FOXP1: variants seen among roughly 807,000 people sequenced by gnomAD.
FOXP1 encodes forkhead box protein P1.
In FOXP1, 15 loss-of-function variants were observed where a neutral mutation model predicts 98.2. That is an observed-to-expected ratio of 0.15 (90% CI 0.10 to 0.24). The LOEUF (loss-of-function observed/expected upper bound fraction) is 0.24, where lower values mean the gene tolerates loss of function less well. FOXP1 is among the 10% of genes least tolerant of loss of function. The pLI, the probability that FOXP1 is intolerant of heterozygous loss-of-function variation, is 1.00. For synonymous variants in FOXP1, 371 were observed against 314.5 expected (o/e 1.18, Z -1.90); for missense variants, 633 against 848.5 (o/e 0.75, Z 3.15).
At chr3:71,523,937 A>G (rs2043174514) in intron 2 of FOXP1, among the ~76,000 whole-genome samples, 1 of 152,212 alleles carries the variant, frequency 6.6e-6, no homozygotes, top group Non-Finnish European at 1.5e-5. Flanking sequence ...TACTTGACTC[A>G]TCACGGAGAT....
intron 12 of FOXP1, among the ~76,000 whole-genome samples, chr3:71,007,329 A>G (rs1222562180): frequency 6.6e-6 from 1 of 152,128 alleles, no homozygotes; most frequent in East Asian, 1.9e-4. Context: ...ACAATTATAG[A>G]CAGCTATTCC....
intron 7 of FOXP1, among the ~76,000 whole-genome samples, chr3:71,099,709 T>C (rs1289211096): frequency 6.6e-6 from 1 of 152,180 alleles, no homozygotes; most frequent in East Asian, 1.9e-4. Flanking sequence ...TTAAAGGTGG[T>C]ACCGGGACTA....
intron 2 of FOXP1, among the ~76,000 whole-genome samples, chr3:71,502,980 G>T (rs369120461): frequency 7.1e-6 from 1 of 141,496 alleles, no homozygotes. Flanking sequence ...TTTACAATTA[G>T]AAAAAAAAAA....
chr3:71,507,738 C>T (rs902880547), intron 2 of FOXP1, among the ~76,000 whole-genome samples: 3 of 152,206 alleles, frequency 2.0e-5, no homozygotes, highest in South Asian at 2.1e-4. Context: ...CCACCATGCC[C>T]GGCTAATTTT....
At chr3:71,471,603 G>T (rs2089354868) in intron 3 of FOXP1, among the ~76,000 whole-genome samples, 2 of 151,916 alleles carry the variant, frequency 1.3e-5, no homozygotes, top group Non-Finnish European at 2.9e-5. Context: ...TTTCAACTCA[G>T]ATGGAACACA....
chr3:71,097,400 A>G (rs1332564522), intron 7 of FOXP1, among the ~76,000 whole-genome samples: 2 of 152,226 alleles, frequency 1.3e-5, no homozygotes, highest in Non-Finnish European at 2.9e-5. Flanking sequence ...CCACAGAGAC[A>G]GTATGGCCCA....
intron 2 of FOXP1, among the ~76,000 whole-genome samples, chr3:71,563,850 C>T (rs1471859518): frequency 1.3e-5 from 2 of 152,226 alleles, no homozygotes; most frequent in Non-Finnish European, 2.9e-5. Context: ...AAAATGAGGG[C>T]TTTCCTCTCT....
intron 5 of FOXP1, among the ~76,000 whole-genome samples, chr3:71,223,531 T>TA (rs2065573001): frequency 6.6e-6 from 1 of 151,858 alleles, no homozygotes; most frequent in Non-Finnish European, 1.5e-5. Flanking sequence ...CAGTCTCTAC[T>TA]AAAAATACAA....
intron 5 of FOXP1, among the ~76,000 whole-genome samples, chr3:71,260,629 G>A (rs6770290): frequency 0.14 from 20,459 of 149,754 alleles, 1,519 homozygotes; most frequent in Admixed American, 0.14. Context: ...TGCAACCTCC[G>A]TCTCCCAGGT....
intron 2 of FOXP1, chr3:71,542,142 C>A: frequency 2.3e-6 from 1 of 440,580 alleles, no homozygotes; most frequent in Non-Finnish European, 4.6e-6. Flanking sequence ...AATGGCTCAA[C>A]AATGAACATT....
At chr3:71,130,552 C>G in intron 6 of FOXP1, 1 of 1,598,408 alleles carries the variant, frequency 6.3e-7, no homozygotes, top group Non-Finnish European at 8.5e-7. Flanking sequence ...TTTGGATTTC[C>G]GTCTTCTTGC....
intron 4 of FOXP1, among the ~76,000 whole-genome samples, chr3:71,305,287 C>T (rs2074182020): frequency 6.6e-6 from 1 of 152,170 alleles, no homozygotes; most frequent in Non-Finnish European, 1.5e-5. Flanking sequence ...CACACTGAGC[C>T]TGGATGATGT....
chr3:71,497,459 T>C (rs1037609451), intron 2 of FOXP1, among the ~76,000 whole-genome samples: 1 of 152,312 alleles, frequency 6.6e-6, no homozygotes, highest in Admixed American at 6.5e-5. Flanking sequence ...TTTTAAAATG[T>C]AGCAGTACCC....
intron 12 of FOXP1, among the ~76,000 whole-genome samples, chr3:71,005,564 A>G (rs766901749): frequency 7.2e-5 from 11 of 152,088 alleles, no homozygotes; most frequent in Non-Finnish European, 1.5e-4. Flanking sequence ...GTCAAGACAC[A>G]TCATGGATGG....
intron 1 of FOXP1, among the ~76,000 whole-genome samples, chr3:71,583,029 C>T (rs1174402048): frequency 1.3e-5 from 2 of 151,816 alleles, no homozygotes; most frequent in Admixed American, 6.6e-5. Context: ...TAGGAGGCGC[C>T]CGGCGCGCGC....
chr3:71,116,625 C>T (rs1235220207), intron 6 of FOXP1, among the ~76,000 whole-genome samples: 3 of 152,202 alleles, frequency 2.0e-5, no homozygotes, highest in Admixed American at 2.0e-4. Context: ...TATCCATATC[C>T]TCCCCAAATT....
At chr3:70,961,127 C>T (rs892802638) in intron 20 of FOXP1, among the ~76,000 whole-genome samples, 2 of 149,982 alleles carry the variant, frequency 1.3e-5, no homozygotes, top group African/African-American at 2.5e-5. Context: ...CCACTGCGCC[C>T]GGCTGCTAAA....
chr3:71,026,413 T>A (rs1392565825), intron 11 of FOXP1, among the ~76,000 whole-genome samples: 2 of 152,208 alleles, frequency 1.3e-5, no homozygotes, highest in Non-Finnish European at 2.9e-5. Context: ...AGGTTGACAC[T>A]GACAAAGTAG....
intron 4 of FOXP1, among the ~76,000 whole-genome samples, chr3:71,321,669 C>T (rs368445890): frequency 7.9e-5 from 12 of 151,536 alleles, no homozygotes; most frequent in South Asian, 2.1e-4. Context: ...TTGCCCAGGC[C>T]GGAGTGCAGT....
Sources: allele counts gnomAD v4.1 joint callset (sites outside exome capture counted in the v4.1 genomes callset), GRCh38; gene constraint gnomAD v4.1.1; transcripts MANE v1.5; gene names NCBI Gene and HGNC (gene_info 2026-07-23, HGNC 2026-07-21).